The following INVS variants were observed in gnomAD, a reference collection of about 807,000 sequenced individuals.
The protein encoded by INVS is inversion of embryo turning homolog.
A neutral mutation model predicts 108.8 loss-of-function variants in INVS; 86 were observed. The ratio of observed to expected loss-of-function variants is 0.79; its 90% CI spans 0.66 to 0.95. The LOEUF (loss-of-function observed/expected upper bound fraction) is 0.95. Ranked by LOEUF, INVS falls within the 40% of genes least tolerant of loss-of-function variation. INVS has a pLI of 0.00. For synonymous variants in INVS, 455 were observed against 473.5 expected, an observed-to-expected ratio of 0.96 and a Z score of 0.51; for missense variants, 1,169 against 1,297.4, an observed-to-expected ratio of 0.90 and a Z score of 1.52.
chr9:100,172,800 C>T (rs181873088), intron 3 of INVS, among the ~76,000 whole-genome samples: 1 of 152,330 alleles, frequency 6.6e-6, no homozygotes. Flanking sequence ...GGGTTCCAAT[C>T]ACCAGCAAGA....
chr9:100,221,366 A>G (rs1174328513), intron 3 of INVS, among the ~76,000 whole-genome samples: 1 of 151,472 alleles, frequency 6.6e-6, no homozygotes, highest in Non-Finnish European at 1.5e-5. Context: ...GCAGGGGCAC[A>G]ATCATGGCTT....
chr9:100,293,185 T>C (rs1208940397), intron 14 of INVS, 142 bp downstream of exon 14: 5 of 727,336 alleles, frequency 6.9e-6, no homozygotes, highest in African/African-American at 1.8e-5. Context: ...CCCATGAAAT[T>C]CACACCAGAT....
At chr9:100,291,111 T>C (rs1183026231) in intron 13 of INVS, among the ~76,000 whole-genome samples, 2 of 152,074 alleles carry the variant, frequency 1.3e-5, no homozygotes, top group African/African-American at 2.4e-5. Context: ...TCACCCAGGC[T>C]GGAGTGCAGT....
chr9:100,287,283 A>G (rs897477624), intron 13 of INVS, among the ~76,000 whole-genome samples: 2 of 152,222 alleles, frequency 1.3e-5, no homozygotes, highest in African/African-American at 4.8e-5. Flanking sequence ...AGCGAAGATA[A>G]AAGCCACAAG....
intron 1 of INVS, chr9:100,101,195 A>G (rs1262222002): frequency 6.7e-6 from 1 of 149,952 alleles, no homozygotes; most frequent in East Asian, 1.9e-4. Flanking sequence ...ATGAAAAATG[A>G]CAGGTCTTAG....
At chr9:100,144,848 C>T (rs934043271) in intron 3 of INVS, among the ~76,000 whole-genome samples, 1 of 152,060 alleles carries the variant, frequency 6.6e-6, no homozygotes, top group East Asian at 1.9e-4. Flanking sequence ...ACTGAGGGGA[C>T]AGCCAGGAGG....
intron 12 of INVS, among the ~76,000 whole-genome samples, chr9:100,275,001 AATC>A (rs2118681022): frequency 6.6e-6 from 1 of 152,324 alleles, no homozygotes; most frequent in East Asian, 1.9e-4. Flanking sequence ...CTGGAATGCT[AATC>A]ATCATGTCAG....
chr9:100,247,418 G>A (rs1406383454), intron 8 of INVS, among the ~76,000 whole-genome samples: 1 of 152,136 alleles, frequency 6.6e-6, no homozygotes, highest in East Asian at 1.9e-4. Context: ...CTGCCTCAGT[G>A]TCAACTTGGA....
chr9:100,113,133 A>G (rs1181390453), intron 2 of INVS, among the ~76,000 whole-genome samples: 1 of 152,222 alleles, frequency 6.6e-6, no homozygotes. Flanking sequence ...AATGAGTTTC[A>G]GTTTAAATAA....
At position 100,284,359 on chromosome 9, in the gene INVS, G is replaced by A. The variant is rs200625698; in HGVS notation, c.1824G>A (p.Gln608=). The A allele has an allele frequency of 1.9e-6, 3 of 1,613,440 alleles. No individual in the cohort carries two copies. The highest frequency in any genetic ancestry group is 2.5e-6 in the Non-Finnish European group (3 of 1,180,054). The change falls in exon 13 of 17, where the codon CAG becomes CAA. Residue 608 remains glutamine, a synonymous_variant. Transcript: ENST00000262457. The part of the protein sequence containing the change: ...EEENKRKEAE[Q]QKGRRSPDSC... ...AAAACAAACGAAAAGAGGCAGAACA[G>A]CAAAAAGGAAGGCGGAGCCCAGATT... is the stretch of plus-strand genomic sequence containing the variant.
At chr9:100,288,010 G>A (rs1833498456) in intron 13 of INVS, among the ~76,000 whole-genome samples, 1 of 152,164 alleles carries the variant, frequency 6.6e-6, no homozygotes, top group Admixed American at 6.5e-5. Context: ...CCAACAAACA[G>A]TGGTAAGACA....
At chr9:100,209,118 C>T (rs958953647) in intron 3 of INVS, among the ~76,000 whole-genome samples, 5 of 151,810 alleles carry the variant, frequency 3.3e-5, no homozygotes, top group East Asian at 1.9e-4. Flanking sequence ...TCCCCTAAAG[C>T]GAACATCAAT....
At chr9:100,116,327 T>G (rs138513055) in intron 2 of INVS, among the ~76,000 whole-genome samples, 9,260 of 152,182 alleles carry the variant, frequency 0.061, 414 homozygotes, top group Middle Eastern at 0.11. Context: ...TAGGCTGGTC[T>G]CAAACTCCTA....
chr9:100,221,345 C>T (rs909997165), intron 3 of INVS, among the ~76,000 whole-genome samples: 2 of 151,522 alleles, frequency 1.3e-5, no homozygotes, highest in Non-Finnish European at 2.9e-5. Flanking sequence ...CTCTGATACC[C>T]AGGCCGGGGT....
chr9:100,175,804 C>T lies in INVS; in HGVS notation c.273+49255C>T, dbSNP rs1326850787. ...CAGTCCTAGAACAGCCATTCCTGAA[C>T]ACTCAGACCTGGTGCACCCAATCCT... On this transcript the variant is annotated intron_variant, in intron 3 of 16. Coordinates refer to ENST00000262457, the MANE Select transcript of INVS (RefSeq NM_014425.5). 3 of 667,050 alleles carry T rather than the reference C, an allele frequency of 4.5e-6. 1 individual carries two copies. Among genetic ancestry groups the T allele is most frequent in the Non-Finnish European group, 8.3e-6 (3 of 363,406 alleles). 41.3% of individuals were successfully genotyped at this position (667,050 alleles called of 1,614,324 possible).
intron 5 of INVS, among the ~76,000 whole-genome samples, chr9:100,232,969 G>A (rs1225716592): frequency 1.3e-5 from 2 of 152,046 alleles, no homozygotes; most frequent in African/African-American, 4.8e-5. Context: ...TCATGATATT[G>A]ATTCTCCCTG....
intron 12 of INVS, among the ~76,000 whole-genome samples, chr9:100,276,645 A>G (rs1259643675): frequency 1.3e-5 from 2 of 152,070 alleles, no homozygotes; most frequent in African/African-American, 4.8e-5. Flanking sequence ...AGTAGCTGAG[A>G]TTACAGGTGT....
In INVS at chr9:100,194,551, TCTTC is replaced by T. The variant is rs1830318941; in HGVS notation, c.274-31506_274-31503del. Among the ~76,000 whole-genome samples, 5 of 152,242 alleles carry T rather than the reference TCTTC, an allele frequency of 3.3e-5. No individual in the cohort carries two copies. In the South Asian group the frequency reaches 8.3e-4, roughly 25 times the overall value. Reference sequence around the variant, plus strand: ...CCCTTCTTTCCTCCCTTCTTTCCTTTCTTCCTTCTTTTCTTTTTTTCAGCCTTAT... The same window carrying T: ...CCCTTCTTTCCTCCCTTCTTTCCTTTCTTCTTTTCTTTTTTTCAGCCTTAT... On this transcript the variant is annotated intron_variant, in intron 3 of 16. Transcript: ENST00000262457.
At chr9:100,155,830 T>C (rs536359146) in intron 3 of INVS, among the ~76,000 whole-genome samples, 1 of 152,348 alleles carries the variant, frequency 6.6e-6, no homozygotes, top group East Asian at 1.9e-4. Context: ...CAAGTGAATA[T>C]GTCAATTTCA....
Sources: allele counts gnomAD v4.1 joint callset (sites outside exome capture counted in the v4.1 genomes callset), GRCh38; gene constraint gnomAD v4.1.1; transcripts MANE v1.5; gene names NCBI Gene and HGNC (gene_info 2026-07-23, HGNC 2026-07-21).